AIG1: variants seen among roughly 807,000 people sequenced by gnomAD.
The protein encoded by AIG1 is androgen-induced gene 1 protein.
A neutral mutation model predicts 31.4 loss-of-function variants in AIG1; 23 were observed. The observed-to-expected ratio is 0.73, with a 90% CI of 0.53 to 1.04. The LOEUF is 1.04. AIG1 is among the 50% of genes least tolerant of loss of function. The pLI, the probability that AIG1 is intolerant of heterozygous loss-of-function variation, is 0.00. For synonymous variants in AIG1, 100 were observed against 110.5 expected (o/e 0.90, Z 0.60); for missense variants, 274 against 295.0 (o/e 0.93, Z 0.52).
At position 143,328,654 on chromosome 6, in the gene AIG1, TTTAA is replaced by T. The variant is rs758212017; in HGVS notation, c.516-4625_516-4622del. ...ACACAGTTTCAAGGTATATGTGTAA[TTTAA>T]TTCATTCATATAAGCCATTTACTTT... On this transcript the variant is annotated intron_variant, in intron 4 of 5. Coordinates refer to ENST00000357847, the MANE Select transcript of AIG1 (RefSeq NM_016108.4). The surrounding 1 kb of genome is among the most constrained non-coding windows in gnomAD (Gnocchi z 4.0). Among the ~76,000 whole-genome samples, 2 of 152,186 alleles carry T rather than the reference TTTAA, an allele frequency of 1.3e-5. No individual in the cohort carries two copies. The highest frequency in any genetic ancestry group is 2.9e-5 in the Non-Finnish European group (2 of 68,024).
intron 1 of AIG1, among the ~76,000 whole-genome samples, chr6:143,062,255 A>C (rs1413155471): frequency 6.6e-6 from 1 of 152,260 alleles, no homozygotes; most frequent in Non-Finnish European, 1.5e-5. Flanking sequence ...GTTGCCCAGC[A>C]GTCTCCAAAC....
intron 3 of AIG1, chr6:143,188,497 C>T (rs776685496): frequency 1.0e-6 from 1 of 985,342 alleles, no homozygotes; most frequent in Non-Finnish European, 1.2e-6. Context: ...AGCTTCCCTT[C>T]CTGTGACCTG....
At chr6:143,127,226 C>T (rs1294242270) in intron 1 of AIG1, among the ~76,000 whole-genome samples, 4 of 152,166 alleles carry the variant, frequency 2.6e-5, no homozygotes, top group Non-Finnish European at 2.9e-5. Context: ...CTCTTCCAGG[C>T]CTTTCTTTAT....
intron 1 of AIG1, among the ~76,000 whole-genome samples, chr6:143,089,999 T>C (rs1434987082): frequency 6.6e-6 from 1 of 152,260 alleles, no homozygotes; most frequent in Non-Finnish European, 1.5e-5. Flanking sequence ...ACTTAATAAA[T>C]GTCTATTATT....
intron 3 of AIG1, among the ~76,000 whole-genome samples, chr6:143,270,919 C>T (rs575056098): frequency 4.6e-5 from 7 of 152,186 alleles, no homozygotes; most frequent in South Asian, 2.1e-4. Flanking sequence ...GCTTGCATGT[C>T]GTGTGCTTGC....
At chr6:143,061,358 C>A in intron 1 of AIG1, 1 of 542,996 alleles carries the variant, frequency 1.8e-6, no homozygotes. Context: ...TGGAGGGGGA[C>A]ACCGAACTGC....
chr6:143,278,231 T>G, intron 3 of AIG1, among the ~76,000 whole-genome samples: 1 of 152,210 alleles, frequency 6.6e-6, no homozygotes, highest in Non-Finnish European at 1.5e-5. Context: ...AATCAAATAA[T>G]CTAGTAGTTA....
rs899623570 is a variant in AIG1, at chr6:143,301,590, G to A, written c.515+17365G>A. Among the ~76,000 whole-genome samples the A allele has an allele frequency of 4.6e-5, 7 of 152,180 alleles. No homozygotes were observed. In the East Asian group the frequency reaches 7.7e-4, roughly 17 times the overall value. On this transcript the variant is annotated intron_variant, in intron 4 of 5. Coordinates refer to ENST00000357847, the MANE Select transcript of AIG1 (RefSeq NM_016108.4). ...TCATGGTGGAAGGGGAAGCAAATAC[G>A]TCCTTCTTCACATGGCGGCAGCAAG...
At chr6:143,119,966 G>A (rs1782100840) in intron 1 of AIG1, among the ~76,000 whole-genome samples, 1 of 152,140 alleles carries the variant, frequency 6.6e-6, no homozygotes. Context: ...TTTCGCTCTT[G>A]TTGCCCAGGT....
intron 4 of AIG1, among the ~76,000 whole-genome samples, chr6:143,286,562 T>C (rs1352292379): frequency 6.6e-6 from 1 of 152,150 alleles, no homozygotes; most frequent in African/African-American, 2.4e-5. Flanking sequence ...GTACTGGCTT[T>C]TGCTTCCTTT....
chr6:143,060,735 C>T (rs1583025790), upstream of AIG1: 2 of 280,976 alleles, frequency 7.1e-6, no homozygotes, highest in African/African-American at 2.3e-5. Flanking sequence ...CCGGCCAGTA[C>T]AGGTCACCCG....
intron 4 of AIG1, among the ~76,000 whole-genome samples, chr6:143,315,978 A>T (rs1196908137): frequency 6.6e-6 from 1 of 152,124 alleles, no homozygotes; most frequent in African/African-American, 2.4e-5. Context: ...AAATCAGATG[A>T]TAATACATAA....
rs547527891 is a variant in AIG1 at position 143,112,485 on chromosome 6, A to G, written c.142-24350A>G. 5.3e-4 allele frequency among the ~76,000 whole-genome samples: 81 copies of G among 152,314 alleles called. 1 individual carries two copies. The highest frequency in any genetic ancestry group is 1.6e-3 in the Admixed American group (25 of 15,306). On this transcript the variant is annotated intron_variant, in intron 1 of 5. Transcript: ENST00000357847. Reference sequence around the variant, plus strand: ...TCTGCAGGTACTTTTAGAAATAGGCACTATGTTAGGCTCTAGAGATGCAAA... The same window carrying G: ...TCTGCAGGTACTTTTAGAAATAGGCGCTATGTTAGGCTCTAGAGATGCAAA...
chr6:143,165,151 A>G lies in AIG1; in HGVS notation c.367A>G (p.Asn123Asp), dbSNP rs755080669. The change falls in exon 3 of 6, where the codon AAT becomes GAT. Residue 123 changes from asparagine to aspartate, a missense_variant. By Grantham distance (23) the Asn-to-Asp change is conservative. This residue lies in a region of AIG1 where 243 missense variants were observed against 238.5 expected (regional missense o/e 1.02). Transcript: ENST00000357847. ...REMIYPKLLD[N>D]FIPGWLNHGM... The stretch of plus-strand genomic sequence containing the variant: ...GATGATATACCCGAAGCTGCTGGAT[A>G]ATTTTATCCCAGGGTGGCTGAATCA... 1.2e-6 allele frequency: 2 copies of G among 1,613,442 alleles called. No individual in the cohort carries two copies. The highest frequency in any genetic ancestry group is 1.3e-5 in the African/African-American group (1 of 74,888).
At chr6:143,307,609 A>T (rs1463553412) in intron 4 of AIG1, among the ~76,000 whole-genome samples, 1 of 152,008 alleles carries the variant, frequency 6.6e-6, no homozygotes, top group Non-Finnish European at 1.5e-5. Context: ...GTCTGCCCCT[A>T]CTGGGGGGTG....
intron 1 of AIG1, among the ~76,000 whole-genome samples, chr6:143,135,715 A>T (rs528411835): frequency 6.6e-6 from 1 of 152,268 alleles, no homozygotes; most frequent in South Asian, 2.1e-4. Context: ...ACTTTTTAGG[A>T]TCCTTCTTCC....
intron 3 of AIG1, among the ~76,000 whole-genome samples, chr6:143,270,161 C>T (rs1030504027): frequency 2.0e-5 from 3 of 152,142 alleles, no homozygotes; most frequent in Admixed American, 2.0e-4. Context: ...CTCCAGTTGG[C>T]TCAAAGTTAC....
intron 3 of AIG1, among the ~76,000 whole-genome samples, chr6:143,204,883 G>A (rs933981708): frequency 8.5e-5 from 13 of 152,220 alleles, no homozygotes; most frequent in Admixed American, 5.9e-4. Context: ...CTACAGTTAA[G>A]TAATCCAAGC....
chr6:143,315,007 A>G (rs896915408), intron 4 of AIG1, among the ~76,000 whole-genome samples: 3 of 152,150 alleles, frequency 2.0e-5, no homozygotes, highest in African/African-American at 7.2e-5. Context: ...TGATGTTAAT[A>G]TCACATGTAG....
Sources: gnomAD v4.1 joint callset for allele counts (sites outside exome capture counted in the v4.1 genomes callset) on GRCh38, gnomAD v4.1.1 for gene constraint, gnomAD v4.1.1 regional missense constraint, Gnocchi (gnomAD v3.1) non-coding constraint, MANE v1.5 for transcripts, NCBI Gene and HGNC (gene_info 2026-07-23, HGNC 2026-07-21) for gene names.